The following MAPK4 variants were observed in gnomAD, a reference collection of about 807,000 sequenced individuals.
The protein encoded by MAPK4 is Erk3-related.
Under a neutral mutation model 47.7 loss-of-function variants are expected in MAPK4, and 22 were observed. The observed-to-expected ratio is 0.46, with a 90% CI of 0.33 to 0.66. The LOEUF (loss-of-function observed/expected upper bound fraction) is 0.66. Ranked by LOEUF, MAPK4 falls within the 30% of genes least tolerant of loss-of-function variation. MAPK4 has a pLI of 0.02. For synonymous variants in MAPK4, 390 were observed against 365.7 expected (o/e 1.07, Z -0.76); for missense variants, 736 against 831.7 (o/e 0.88, Z 1.42).
intron 1 of MAPK4, among the ~76,000 whole-genome samples, chr18:50,585,200 G>A (rs1273313829): frequency 3.3e-5 from 5 of 152,292 alleles, no homozygotes; most frequent in East Asian, 1.9e-4. Flanking sequence ...TGTGGTCCAC[G>A]GGCCAGCTGG....
At chr18:50,706,402 G>A (rs113678102) in intron 2 of MAPK4, among the ~76,000 whole-genome samples, 292 of 107,756 alleles carry the variant, frequency 2.7e-3, no homozygotes, top group Non-Finnish European at 3.9e-3. Context: ...CCACCCCCCC[G>A]CCTCCGCCCC....
intron 3 of MAPK4, among the ~76,000 whole-genome samples, chr18:50,717,649 T>C (rs982542688): frequency 6.6e-6 from 1 of 152,084 alleles, no homozygotes; most frequent in African/African-American, 2.4e-5. Flanking sequence ...TTAGCATCCA[T>C]GTGGGCTCCC....
chr18:50,628,914 C>T (rs547808001), intron 1 of MAPK4, among the ~76,000 whole-genome samples: 39 of 152,274 alleles, frequency 2.6e-4, no homozygotes, highest in African/African-American at 7.7e-4. Context: ...AGTGATTTGT[C>T]GATTTTTCAT....
At chr18:50,653,592 G>A (rs964262067) in intron 1 of MAPK4, among the ~76,000 whole-genome samples, 5 of 152,214 alleles carry the variant, frequency 3.3e-5, no homozygotes, top group African/African-American at 1.2e-4. Context: ...ACCTTCTAGG[G>A]TGTGATCTTG....
intron 1 of MAPK4, among the ~76,000 whole-genome samples, chr18:50,565,587 A>G (rs1346412357): frequency 6.6e-6 from 1 of 152,184 alleles, no homozygotes; most frequent in Non-Finnish European, 1.5e-5. Flanking sequence ...TAATTTAAGT[A>G]CAGTTGTGTG....
At chr18:50,623,761 A>G (rs1206952059) in intron 1 of MAPK4, among the ~76,000 whole-genome samples, 1 of 152,240 alleles carries the variant, frequency 6.6e-6, no homozygotes, top group Non-Finnish European at 1.5e-5. Flanking sequence ...TTCCCAGTGC[A>G]CTTGGGATAA....
chr18:50,684,603 G>A (rs1037167590), intron 2 of MAPK4, among the ~76,000 whole-genome samples: 6 of 152,036 alleles, frequency 3.9e-5, no homozygotes, highest in African/African-American at 1.4e-4. Flanking sequence ...CTGCCTTCGG[G>A]GGGTGAGGAG....
At chr18:50,560,485 C>T (rs1013745188) in intron 1 of MAPK4, among the ~76,000 whole-genome samples, 1 of 152,182 alleles carries the variant, frequency 6.6e-6, no homozygotes, top group East Asian at 1.9e-4. Flanking sequence ...GACCGCGCGC[C>T]GGTGCTGTCC....
intron 2 of MAPK4, among the ~76,000 whole-genome samples, chr18:50,667,096 T>G (rs1050397687): frequency 6.6e-6 from 1 of 152,168 alleles, no homozygotes; most frequent in African/African-American, 2.4e-5. Context: ...TGGGTTGGAA[T>G]TAATCATTCC....
intron 1 of MAPK4, among the ~76,000 whole-genome samples, chr18:50,654,119 A>T (rs1423580123): frequency 6.6e-6 from 1 of 152,226 alleles, no homozygotes; most frequent in Non-Finnish European, 1.5e-5. Context: ...GCAAGATAAT[A>T]CGGACTCCTG....
At chr18:50,633,177 T>A (rs1236214019) in intron 1 of MAPK4, among the ~76,000 whole-genome samples, 1 of 152,212 alleles carries the variant, frequency 6.6e-6, no homozygotes, top group Non-Finnish European at 1.5e-5. Flanking sequence ...ACAGCTGGTT[T>A]GTGGCATAAG....
intron 2 of MAPK4, among the ~76,000 whole-genome samples, chr18:50,677,752 G>A (rs559593660): frequency 1.1e-4 from 16 of 152,090 alleles, no homozygotes; most frequent in Middle Eastern, 3.4e-3. Context: ...ACAAGGTCTC[G>A]CTATGTTGCT....
At chr18:50,589,362 C>T (rs1183407034) in intron 1 of MAPK4, among the ~76,000 whole-genome samples, 2 of 152,078 alleles carry the variant, frequency 1.3e-5, no homozygotes, top group Non-Finnish European at 1.5e-5. Flanking sequence ...TTTGGGAGGC[C>T]GAGGCGGGCG....
intron 2 of MAPK4, among the ~76,000 whole-genome samples, chr18:50,708,955 T>G (rs11665570): frequency 1.3e-5 from 2 of 152,104 alleles, no homozygotes; most frequent in East Asian, 1.9e-4. Context: ...CAGATAAAAC[T>G]GTCTGAGGAG....
At chr18:50,685,518 C>T (rs558029017) in intron 2 of MAPK4, among the ~76,000 whole-genome samples, 21 of 152,284 alleles carry the variant, frequency 1.4e-4, no homozygotes, top group African/African-American at 2.6e-4. Context: ...TCTACAAGAA[C>T]GCGTAGAGAA....
At chr18:50,651,796 T>C (rs1362605467) in intron 1 of MAPK4, among the ~76,000 whole-genome samples, 1 of 152,108 alleles carries the variant, frequency 6.6e-6, no homozygotes, top group Non-Finnish European at 1.5e-5. Flanking sequence ...GAGATAGAAA[T>C]AATTTAGCCT....
At chr18:50,725,513 G>T (rs74176774) in intron 4 of MAPK4, among the ~76,000 whole-genome samples, 1 of 152,102 alleles carries the variant, frequency 6.6e-6, no homozygotes, top group Non-Finnish European at 1.5e-5. Flanking sequence ...TCCCTGCCCC[G>T]CAAGGGGAAC....
At chr18:50,605,283 C>T (rs2042572934) in intron 1 of MAPK4, among the ~76,000 whole-genome samples, 1 of 152,158 alleles carries the variant, frequency 6.6e-6, no homozygotes, top group African/African-American at 2.4e-5. Flanking sequence ...ACATCTTTTC[C>T]CTGGGACCAG....
rs184004029 is a variant in MAPK4 at position 50,636,235 on chromosome 18, C to T, written c.-870-26854C>T. ...ATCCCTTCAATACGTGCTCTCGCAA[C>T]GTCAGGGTCACTTCCTTGTAAGTTC... On this transcript the variant is annotated intron_variant, in intron 1 of 5. Transcript: ENST00000400384. 3.9e-5 allele frequency among the ~76,000 whole-genome samples: 6 copies of T among 152,308 alleles called. No homozygotes were observed. In the East Asian group the frequency reaches 5.8e-4, roughly 15 times the overall value.
Sources: allele counts gnomAD v4.1 joint callset (sites outside exome capture counted in the v4.1 genomes callset), GRCh38; gene constraint gnomAD v4.1.1; transcripts MANE v1.5; gene names NCBI Gene and HGNC (gene_info 2026-07-23, HGNC 2026-07-21).